Variants in MDC1 observed in about 807,000 individuals in gnomAD.
The protein encoded by MDC1 is mediator of DNA damage checkpoint 1.
MDC1 carries 81 observed loss-of-function variants against 142.5 expected under a neutral mutation model. The ratio of observed to expected loss-of-function variants is 0.57; its 90% CI spans 0.47 to 0.68. The LOEUF (loss-of-function observed/expected upper bound fraction) is 0.68, where lower values mean the gene tolerates loss of function less well. MDC1 is among the 30% of genes least tolerant of loss of function. The pLI is 0.00. For missense variants in MDC1, 2,119 were observed against 2,547.9 expected (o/e 0.83, Z 3.62); for synonymous variants, 797 against 968.4 (o/e 0.82, Z 3.29).
At chr6:30,711,303 G>C (rs548468120) in intron 7 of MDC1, 109 bp downstream of exon 7, 1 of 955,130 alleles carries the variant, frequency 1.0e-6, no homozygotes, top group Admixed American at 2.1e-5. Flanking sequence ...CCTGGGAGGC[G>C]GAGGTTACAG....
In MDC1 at chr6:30,705,316, AGGGGCTGTGGGCACAACTG is replaced by A; in HGVS notation, c.3848_3866del (p.Pro1283LeufsTer72). ...CTGTGGAGGTGGAAGGCCGGAGCTC[AGGGGCTGTGGGCACAACTG>A]GTTCAGGGGTCTTGACAGAGGATCT... On this transcript the variant is annotated frameshift_variant, in exon 10 of 15. Coordinates refer to ENST00000376406, the MANE Select transcript of MDC1 (RefSeq NM_014641.3). LOFTEE classifies it high-confidence loss of function. The A allele has an allele frequency of 6.2e-7, 1 of 1,603,490 alleles. No individual in the cohort carries two copies.
intron 9 of MDC1, 115 bp from the exon 10 acceptor site, chr6:30,706,213 G>A (rs1375164046): frequency 1.4e-5 from 13 of 943,342 alleles, no homozygotes; most frequent in South Asian, 5.5e-5. Context: ...TCCACCGGGC[G>A]TGGTGGCTCA....
In MDC1 at chr6:30,716,981, A is replaced by C; in HGVS notation, c.-4+264T>G. ...CTCCGTCTTTATGACAGGCCAACTC[A>C]GCGGGTGCCCACCACGCTTGGCTCC... On this transcript the variant is annotated intron_variant, in intron 1 of 14. Coordinates refer to ENST00000376406, the MANE Select transcript of MDC1 (RefSeq NM_014641.3). The surrounding 1 kb of genome is among the most constrained non-coding windows in gnomAD (Gnocchi z 4.4). The C allele has an allele frequency of 7.7e-6, 7 of 912,992 alleles. No individual in the cohort carries two copies. Among genetic ancestry groups the C allele is most frequent in the Non-Finnish European group, 7.9e-6 (6 of 764,018 alleles). 56.6% of individuals were successfully genotyped at this position (912,992 alleles called of 1,614,324 possible). A position where few individuals can be genotyped will look rare whatever the true frequency, so the allele number is the denominator to read the frequency against.
chr6:30,709,742 A>G lies in MDC1; in HGVS notation c.2222-1385T>C, dbSNP rs1774532144. On this transcript the variant is annotated intron_variant, in intron 7 of 14. Transcript: ENST00000376406. This position sits in a 1 kb window ranked among gnomAD's most constrained non-coding sequence, Gnocchi z 4.2. ...TGAGATCCATGTTTTTAGCTCCCAC[A>G]TGAGTGAGCATACAATATTTGCCTT... Among the ~76,000 whole-genome samples the G allele has an allele frequency of 6.6e-6, 1 of 152,154 alleles. No homozygotes were observed. The highest frequency in any genetic ancestry group is 1.5e-5 in the Non-Finnish European group (1 of 68,024).
chr6:30,713,226 C>T lies in MDC1; in HGVS notation c.716G>A (p.Arg239Lys). 1 of 1,613,126 alleles carries T rather than the reference C, an allele frequency of 6.2e-7. No individual in the cohort carries two copies. Among genetic ancestry groups the T allele is most frequent in the Non-Finnish European group, 8.5e-7 (1 of 1,180,030 alleles). ...CTGCTTTGCCTCTACAGTGGCACCT[C>T]TTCTGGCAGCTGAGGAGGCCTCCTC... ...ATEEASSAAR[R>K]GATVEAKQSE... The change falls in exon 5 of 15, where the codon AGA becomes AAA. Residue 239 changes from arginine to lysine, a missense_variant. Physicochemically the swap from Arg to Lys is conservative, Grantham distance 26 (BLOSUM62 2). Transcript: ENST00000376406. This position sits in a 1 kb window ranked among gnomAD's most constrained non-coding sequence, Gnocchi z 4.9.
Position 30,700,501 on chromosome 6 carries a change from G to A in MDC1, c.6234C>T (p.Ala2078=). 6.2e-7 allele frequency: 1 copy of A among 1,612,986 alleles called. No individual in the cohort carries two copies. The part of the protein sequence containing the change: ...GVLKQEAKPE[A]FVLSPLEMSS... ...ACATCTCCAAAGGGGAGAGGACAAA[G>A]GCCTCTGGCTTGGCTTCCTGCTTCA... The change falls in exon 15 of 15, where the codon GCC becomes GCT. Residue 2078 remains alanine (A), a synonymous_variant. Transcript: ENST00000376406.
rs774102143 is a variant in MDC1, at chr6:30,707,837, T to C, written c.2742A>G (p.Ala914=). ...CTGGTCTCTCTACTTCTCTCTCAAA[T>C]GCTTTGCTTGGAAGGGTCTGCTTCT... is the stretch of plus-strand genomic sequence containing the variant. ...QVQKQTLPSK[A]FEREVERPVA... is the part of the protein sequence containing the mutation. Residue 914 remains alanine (A), a synonymous_variant, in exon 8 of 15, where the codon GCA becomes GCG. Coordinates refer to ENST00000376406, the MANE Select transcript of MDC1 (RefSeq NM_014641.3). 1.9e-6 allele frequency: 3 copies of C among 1,613,146 alleles called. No homozygotes were observed. The highest frequency in any genetic ancestry group is 2.5e-6 in the Non-Finnish European group (3 of 1,180,042).
chr6:30,702,500 C>G, intron 14 of MDC1, 53 bp downstream of exon 14: 1 of 1,393,298 alleles, frequency 7.2e-7, no homozygotes, highest in African/African-American at 1.4e-5. Context: ...ATTCCAGCCA[C>G]CTCTTTAACT....
intron 7 of MDC1, 135 bp downstream of exon 7, chr6:30,711,277 G>T: frequency 1.4e-6 from 1 of 734,218 alleles, no homozygotes; most frequent in Non-Finnish European, 2.3e-6. Flanking sequence ...CTGGGAAGCT[G>T]AAGGAAGAGA....
Position 30,712,407 on chromosome 6 carries a change from C to T in MDC1, c.1535G>A (p.Arg512Lys). The T allele has an allele frequency of 4.3e-6, 7 of 1,613,136 alleles. No homozygotes were observed. Among genetic ancestry groups the T allele is most frequent in the Non-Finnish European group, 5.9e-6 (7 of 1,180,038 alleles). ...DKSSPGIHLE[R>K]SQASTTVDIN... ...GTCCACTGTGGTGGAGGCTTGGCTT[C>T]TCTCCAGGTGGATCCCAGGTGAGCT... is the stretch of plus-strand genomic sequence containing the variant. Residue 512 changes from arginine (R) to lysine (K), a missense_variant, in exon 5 of 15, where the codon AGA (arginine) becomes AAA (lysine). Arg to Lys is a conservative substitution (Grantham distance 26). Coordinates refer to ENST00000376406, the MANE Select transcript of MDC1 (RefSeq NM_014641.3). The surrounding 1 kb of genome is among the most constrained non-coding windows in gnomAD (Gnocchi z 4.7).
Position 30,707,473 on chromosome 6 carries a change from C to G in MDC1, c.3014-19G>C. 1 of 1,613,124 alleles carries G rather than the reference C, an allele frequency of 6.2e-7. No individual in the cohort carries two copies. The highest frequency in any genetic ancestry group is 8.5e-7 in the Non-Finnish European group (1 of 1,180,030). On this transcript the variant is annotated intron_variant, in intron 8 of 14. Coordinates refer to ENST00000376406, the MANE Select transcript of MDC1 (RefSeq NM_014641.3). ...AGGAGGCCTAGACAGAAAGTAAACA[C>G]AAAGGTGGCTGAGTTCCAAGCAGCT...
chr6:30,700,473 A>G lies in MDC1; in HGVS notation c.6262T>C (p.Ser2088Pro), dbSNP rs745352229. Residue 2088 changes from serine to proline, a missense_variant, in exon 15 of 15, where the codon TCC (serine) becomes CCC (proline). Physicochemically the swap from Ser to Pro is moderately conservative, Grantham distance 74 (BLOSUM62 -1). Transcript: ENST00000376406. ...AFVLSPLEMS[S>P]T ...AAAGGGTAGTGGAGTTCTCAGGTGG[A>G]TGACATCTCCAAAGGGGAGAGGACA... 3 of 1,612,098 alleles carry G rather than the reference A, an allele frequency of 1.9e-6. No homozygotes were observed. Among genetic ancestry groups the G allele is most frequent in the Non-Finnish European group, 2.5e-6 (3 of 1,179,342 alleles).
At chr6:30,711,361 A>C in intron 7 of MDC1, 51 bp downstream of exon 7, 1 of 1,522,348 alleles carries the variant, frequency 6.6e-7, no homozygotes, top group Non-Finnish European at 9.1e-7. Flanking sequence ...ACAGAGGAAA[A>C]AAAAGAGAAT....
intron 7 of MDC1, 150 bp from the exon 8 acceptor site, chr6:30,708,507 G>A: frequency 3.0e-6 from 2 of 675,916 alleles, no homozygotes; most frequent in Non-Finnish European, 4.9e-6. Context: ...GGTTATTAAA[G>A]GTAAGCTGGG....
Position 30,702,616 on chromosome 6 carries a change from C to A in MDC1, c.6039G>T (p.Gln2013His). 1.2e-6 allele frequency: 2 copies of A among 1,611,646 alleles called. No homozygotes were observed. Among genetic ancestry groups the A allele is most frequent in the African/African-American group, 1.3e-5 (1 of 74,996 alleles). The change falls in exon 14 of 15, where the codon CAG becomes CAT. Residue 2013 changes from glutamine (Q) to histidine (H), a missense_variant. Physicochemically the swap from Gln to His is conservative, Grantham distance 24. Transcript: ENST00000376406. ...CACAGCAGCTAATAATCTCTCCCAT[C>A]TGAGGTGGTGGTGGCTGGACTCCAG... Reference protein sequence around the residue: ...VTPGVQPPPPQMGEIISCCGG... With the variant: ...VTPGVQPPPPHMGEIISCCGG...
chr6:30,703,592 C>G lies in MDC1; in HGVS notation c.5562+29G>C, dbSNP rs1261120489. 3 of 1,612,264 alleles carry G rather than the reference C, an allele frequency of 1.9e-6. No individual in the cohort carries two copies. The highest frequency in any genetic ancestry group is 2.5e-6 in the Non-Finnish European group (3 of 1,179,388). ...TTCAGAGCCCTGAAGTCATTTTTCC[C>G]AGCTTTGTGGTCCCAACCCTCTCCT... On this transcript the variant is annotated intron_variant, in intron 10 of 14. Coordinates refer to ENST00000376406, the MANE Select transcript of MDC1 (RefSeq NM_014641.3). This position sits in a 1 kb window ranked among gnomAD's most constrained non-coding sequence, Gnocchi z 4.4.
rs1773059606 is a variant in MDC1 at position 30,703,118 on chromosome 6, C to T, written c.5851G>A (p.Asp1951Asn). Residue 1951 changes from aspartate (D) to asparagine (N), a missense_variant, in exon 12 of 15, where the codon GAC becomes AAC. Transcript: ENST00000376406. This position sits in a 1 kb window ranked among gnomAD's most constrained non-coding sequence, Gnocchi z 4.4. ...TGGCCTCTCACCTGATGCAGCCAGT[C>T]CAGGGACAGAATGGGGATTCCCCGC... is the stretch of plus-strand genomic sequence containing the variant. Reference protein sequence around the residue: ...LGRGIPILSLDWLHQSRKAGF... With the variant: ...LGRGIPILSLNWLHQSRKAGF... 1.2e-6 allele frequency: 2 copies of T among 1,612,830 alleles called. No homozygotes were observed. Among genetic ancestry groups the T allele is most frequent in the Non-Finnish European group, 1.7e-6 (2 of 1,179,848 alleles).
Position 30,712,342 on chromosome 6 carries a change from C to T in MDC1, c.1600G>A (p.Ala534Thr). The T allele has an allele frequency of 1.9e-6, 3 of 1,613,062 alleles. No homozygotes were observed. The highest frequency in any genetic ancestry group is 2.5e-6 in the Non-Finnish European group (3 of 1,180,036). ...TGATGCTTCTTTATATGTATAATGG[C>T]TGACCCTGGCGGGACTTCCTTCTCC... ...QVEKEVPPGS[A>T]IIHIKKHQVS... The change falls in exon 5 of 15, where the codon GCC (alanine) becomes ACC (threonine). Residue 534 changes from alanine to threonine, a missense_variant. Ala to Thr is a moderately conservative substitution (Grantham distance 58). Coordinates refer to ENST00000376406, the MANE Select transcript of MDC1 (RefSeq NM_014641.3). The surrounding 1 kb of genome is among the most constrained non-coding windows in gnomAD (Gnocchi z 4.7).
At position 30,700,291 on chromosome 6, in the gene MDC1, C is replaced by T. The variant is rs1772408885; in HGVS notation, c.*174G>A. On this transcript the variant is annotated 3_prime_UTR_variant, in exon 15 of 15. Transcript: ENST00000376406. ...AAAAAACAAACAAACAAACAAAAAA[C>T]AACCTGTGGCTTCCAAATCCCTTAT... 1 of 570,408 alleles carries T rather than the reference C, an allele frequency of 1.8e-6. No individual in the cohort carries two copies. Among genetic ancestry groups the T allele is most frequent in the African/African-American group, 1.9e-5 (1 of 52,450 alleles). The allele number at this position is 570,408 out of a possible 1,614,324, so 35.3% of individuals were successfully genotyped here. A position where few individuals can be genotyped will look rare whatever the true frequency, so the allele number is the denominator to read the frequency against.
Sources: allele counts gnomAD v4.1 joint callset (sites outside exome capture counted in the v4.1 genomes callset), GRCh38; gene constraint gnomAD v4.1.1; non-coding constraint Gnocchi (gnomAD v3.1); transcripts MANE v1.5; gene names NCBI Gene and HGNC (gene_info 2026-07-23, HGNC 2026-07-21).